Variants in RIMS2 observed in about 807,000 individuals in gnomAD.
The protein encoded by RIMS2 is regulating synaptic membrane exocytosis protein 2.
Under a neutral mutation model 174.4 loss-of-function variants are expected in RIMS2, and 59 were observed. That is an observed-to-expected ratio of 0.34 (90% CI 0.27 to 0.42). The LOEUF (loss-of-function observed/expected upper bound fraction) is 0.42, where lower values mean the gene tolerates loss of function less well. RIMS2 is among the 10% of genes least tolerant of loss of function. The pLI is 1.00. For missense variants in RIMS2, 1,620 were observed against 1,666.3 expected, an observed-to-expected ratio of 0.97 and a Z score of 0.48; for synonymous variants, 606 against 572.5, an observed-to-expected ratio of 1.06 and a Z score of -0.84.
At position 104,051,528 on chromosome 8, in the gene RIMS2, C is replaced by A. The variant is rs1302004655; in HGVS notation, c.3334+36913C>A. On this transcript the variant is annotated intron_variant, in intron 19 of 23. Transcript: ENST00000504942. ...CCATATTATAGTCCAAGGTTGGGTT[C>A]ATAGGGAAATCAGATGAAATATTAC... Among the ~76,000 whole-genome samples the A allele has an allele frequency of 5.3e-5, 8 of 151,372 alleles. No homozygotes were observed. The East Asian group carries it at 1.6e-3, about 29-fold the overall frequency.
intron 6 of RIMS2, among the ~76,000 whole-genome samples, chr8:103,915,267 A>G (rs2076443161): frequency 1.3e-5 from 2 of 152,110 alleles, no homozygotes; most frequent in African/African-American, 4.8e-5. Context: ...GCAACACTTC[A>G]GCAAATTATG....
Position 103,849,196 on chromosome 8 carries a change from C to T in RIMS2, c.699-36102C>T, listed in dbSNP as rs191885496. Among the ~76,000 whole-genome samples, 1,056 of 152,176 alleles carry T rather than the reference C, an allele frequency of 6.9e-3. 8 individuals carry two copies. The highest frequency in any genetic ancestry group is 0.031 in the Middle Eastern group (9 of 294). On this transcript the variant is annotated intron_variant, in intron 3 of 23. Coordinates refer to ENST00000504942, the Ensembl canonical transcript of RIMS2. ...GGCAGGGACCACGGATATATTCAGT[C>T]CACTTACAGCAGTGATGGAGTGTTC...
At chr8:104,077,012 G>A (rs929780341) in intron 19 of RIMS2, among the ~76,000 whole-genome samples, 3 of 151,706 alleles carry the variant, frequency 2.0e-5, no homozygotes, top group Admixed American at 1.3e-4. Context: ...AAAAGGCAGG[G>A]TTTCACCACG....
chr8:103,758,295 G>C (rs887020628), intron 2 of RIMS2, among the ~76,000 whole-genome samples: 1 of 152,082 alleles, frequency 6.6e-6, no homozygotes, highest in Admixed American at 6.5e-5. Context: ...ATGAGCTGTG[G>C]TCTTGCCTCA....
At chr8:104,052,807 T>A (rs1345578790) in intron 19 of RIMS2, among the ~76,000 whole-genome samples, 1 of 152,022 alleles carries the variant, frequency 6.6e-6, no homozygotes, top group Non-Finnish European at 1.5e-5. Context: ...CCTTCAGCAT[T>A]GATGGGACAT....
chr8:103,623,391 G>A (rs2095683786), intron 1 of RIMS2, among the ~76,000 whole-genome samples: 1 of 150,452 alleles, frequency 6.6e-6, no homozygotes, highest in Non-Finnish European at 1.5e-5. Flanking sequence ...ATAAAAATAT[G>A]TAGTATGTGT....
intron 3 of RIMS2, among the ~76,000 whole-genome samples, chr8:103,825,408 A>T (rs932154434): frequency 2.6e-5 from 4 of 151,438 alleles, no homozygotes; most frequent in Non-Finnish European, 5.9e-5. Context: ...GCCTTCTGAG[A>T]AGCTAGGACC....
At chr8:104,130,660 T>C (rs1318676799) in intron 19 of RIMS2, among the ~76,000 whole-genome samples, 3 of 152,152 alleles carry the variant, frequency 2.0e-5, no homozygotes, top group African/African-American at 4.8e-5. Context: ...AAAAGTGTTA[T>C]CTAATTTCAC....
chr8:103,774,870 T>G (rs1250558620), intron 3 of RIMS2, among the ~76,000 whole-genome samples: 1 of 152,180 alleles, frequency 6.6e-6, no homozygotes, highest in Non-Finnish European at 1.5e-5. Context: ...GTTTAAGATC[T>G]GTATACTTTT....
At chr8:103,947,660 C>T (rs1410030856) in intron 14 of RIMS2, among the ~76,000 whole-genome samples, 1 of 152,050 alleles carries the variant, frequency 6.6e-6, no homozygotes, top group Non-Finnish European at 1.5e-5. Context: ...GTGGAGCTTG[C>T]AGGACTGGAA....
At chr8:103,864,486 GTTC>G (rs2099075278) in intron 3 of RIMS2, among the ~76,000 whole-genome samples, 2 of 152,084 alleles carry the variant, frequency 1.3e-5, no homozygotes, top group Non-Finnish European at 2.9e-5. Context: ...GGTTTTGAGA[GTTC>G]TTCTATATAT....
chr8:103,565,100 C>T lies in RIMS2; in HGVS notation c.176+64038C>T, dbSNP rs535464316. 3.5e-4 allele frequency among the ~76,000 whole-genome samples: 54 copies of T among 152,194 alleles called. No homozygotes were observed. The South Asian group carries it at 6.8e-3, about 19-fold the overall frequency. On this transcript the variant is annotated intron_variant, in intron 1 of 23. Coordinates refer to ENST00000504942, the Ensembl canonical transcript of RIMS2. ...TATGGGCTAAAGACATGTATGTGTA[C>T]GGAAGTTCATTGTTTCTCATTAAGA... is the stretch of plus-strand genomic sequence containing the variant.
chr8:103,880,783 C>G (rs1188826771), intron 3 of RIMS2: 6 of 394,932 alleles, frequency 1.5e-5, no homozygotes, highest in Non-Finnish European at 2.3e-5. Flanking sequence ...TTATTCAAAG[C>G]TTTTTGTAGG....
At chr8:103,591,165 G>A (rs1228583132) in intron 1 of RIMS2, among the ~76,000 whole-genome samples, 4 of 151,058 alleles carry the variant, frequency 2.6e-5, no homozygotes, top group African/African-American at 4.8e-5. Context: ...GACTAAAGAT[G>A]TTAAGCTTTT....
chr8:103,821,907 G>C (rs1458799663), intron 3 of RIMS2, among the ~76,000 whole-genome samples: 3 of 151,356 alleles, frequency 2.0e-5, no homozygotes, highest in African/African-American at 4.8e-5. Flanking sequence ...TCTGAATAAT[G>C]GACCTTTCAA....
chr8:103,920,778 A>G (rs762598737), intron 9 of RIMS2: 7 of 444,772 alleles, frequency 1.6e-5, no homozygotes, highest in South Asian at 1.1e-4. Flanking sequence ...TCACGAGGTC[A>G]GGAGATCGAG....
chr8:104,171,545 C>A (rs2135452303), intron 19 of RIMS2, among the ~76,000 whole-genome samples: 1 of 151,524 alleles, frequency 6.6e-6, no homozygotes, highest in East Asian at 1.9e-4. Context: ...CATTTGTATC[C>A]TGGATTTTTA....
intron 1 of RIMS2, among the ~76,000 whole-genome samples, chr8:103,524,605 A>G (rs910495067): frequency 2.0e-4 from 31 of 152,172 alleles, no homozygotes; most frequent in African/African-American, 6.8e-4. Context: ...AATGAGTACT[A>G]TGATGCTAAG....
intron 17 of RIMS2, among the ~76,000 whole-genome samples, chr8:103,995,240 G>A (rs2095008501): frequency 6.6e-6 from 1 of 152,080 alleles, no homozygotes; most frequent in Non-Finnish European, 1.5e-5. Context: ...ATATATTTGA[G>A]TGGGTCAGCC....
Sources: gnomAD v4.1 joint callset for allele counts (sites outside exome capture counted in the v4.1 genomes callset) on GRCh38, gnomAD v4.1.1 for gene constraint, MANE v1.5 for transcripts, NCBI Gene and HGNC (gene_info 2026-07-23, HGNC 2026-07-21) for gene names.